The following TMOD1 variants were observed in gnomAD, a reference collection of about 807,000 sequenced individuals.
TMOD1 encodes the protein tropomodulin 1.
Under a neutral mutation model 40.6 loss-of-function variants are expected in TMOD1, and 17 were observed. The observed-to-expected ratio is 0.42, with a 90% CI of 0.29 to 0.63. The LOEUF (loss-of-function observed/expected upper bound fraction) is 0.63. TMOD1 is among the 20% of genes least tolerant of loss of function. The pLI is 0.22. For missense variants in TMOD1, 391 were observed against 447.6 expected (o/e 0.87, Z 1.14); for synonymous variants, 181 against 175.0 (o/e 1.03, Z -0.27).
intron 4 of TMOD1, among the ~76,000 whole-genome samples, chr9:97,556,340 G>T (rs189507012): frequency 6.6e-6 from 1 of 152,180 alleles, no homozygotes; most frequent in Non-Finnish European, 1.5e-5. Flanking sequence ...CAGAAACTCC[G>T]CATGAGATGA....
chr9:97,567,878 G>A (rs1248390062), intron 7 of TMOD1, among the ~76,000 whole-genome samples: 2 of 152,150 alleles, frequency 1.3e-5, no homozygotes, highest in Non-Finnish European at 2.9e-5. Flanking sequence ...TTCCTGGCTC[G>A]GAGCATCATT....
At chr9:97,542,247 T>C (rs1455785952) in intron 2 of TMOD1, among the ~76,000 whole-genome samples, 2 of 152,182 alleles carry the variant, frequency 1.3e-5, no homozygotes, top group Non-Finnish European at 2.9e-5. Context: ...TTACTGACAA[T>C]CATGTGATAT....
intron 1 of TMOD1, among the ~76,000 whole-genome samples, chr9:97,518,016 TC>T (rs1340670986): frequency 6.6e-6 from 1 of 152,064 alleles, no homozygotes; most frequent in African/African-American, 2.4e-5. Context: ...CCCATTCTCA[TC>T]CCCCATCGCC....
At position 97,600,390 on chromosome 9, in the gene TMOD1, T is replaced by G. The variant is rs144362839; in HGVS notation, c.*692T>G. ...CATTACCAATCCCAGGCAACAAACATGTCCCTGAGTGTTCTTTAAGAACAT... is the reference window on the plus strand; with the variant it reads ...CATTACCAATCCCAGGCAACAAACAGGTCCCTGAGTGTTCTTTAAGAACAT... On this transcript the variant is annotated 3_prime_UTR_variant, in exon 10 of 10. Transcript: ENST00000259365. 2 of 985,808 alleles carry G rather than the reference T, an allele frequency of 2.0e-6. No individual in the cohort carries two copies. Among genetic ancestry groups the G allele is most frequent in the Non-Finnish European group, 2.4e-6 (2 of 830,150 alleles). The allele number at this position is 985,808 out of a possible 1,614,324, so 61.1% of individuals were successfully genotyped here.
At chr9:97,561,668 TGTGTCATCACTG>T (rs1047881797) in intron 4 of TMOD1, among the ~76,000 whole-genome samples, 1 of 152,204 alleles carries the variant, frequency 6.6e-6, no homozygotes, top group Non-Finnish European at 1.5e-5. Flanking sequence ...TTGTCACAGC[TGTGTCATCACTG>T]GTGTCCTGGC....
At chr9:97,569,370 G>C (rs1830784943) in intron 8 of TMOD1, among the ~76,000 whole-genome samples, 1 of 152,046 alleles carries the variant, frequency 6.6e-6, no homozygotes, top group African/African-American at 2.4e-5. Context: ...CTGTTTGTTG[G>C]GCTTAGCTCT....
At chr9:97,539,828 T>C (rs1363522723) in intron 2 of TMOD1, among the ~76,000 whole-genome samples, 4 of 151,238 alleles carry the variant, frequency 2.6e-5, no homozygotes, top group Non-Finnish European at 5.9e-5. Flanking sequence ...TAGCCGAGCA[T>C]GGTGGCAGGC....
At chr9:97,577,163 G>A (rs1259773873) in intron 8 of TMOD1, among the ~76,000 whole-genome samples, 3 of 152,122 alleles carry the variant, frequency 2.0e-5, no homozygotes, top group African/African-American at 4.8e-5. Context: ...TTGCCAGTCC[G>A]GGCATGACCA....
intron 8 of TMOD1, among the ~76,000 whole-genome samples, chr9:97,577,565 A>G (rs1233888081): frequency 5.9e-5 from 9 of 152,166 alleles, no homozygotes; most frequent in Non-Finnish European, 1.3e-4. Flanking sequence ...AGGTGGGTGG[A>G]TCACTTGAGG....
intron 1 of TMOD1, among the ~76,000 whole-genome samples, chr9:97,509,518 T>G (rs564258698): frequency 5.8e-5 from 8 of 138,708 alleles, no homozygotes; most frequent in East Asian, 2.1e-4. Flanking sequence ...TTTTGTTTTT[T>G]GTTTTTTTTT....
rs150700125 is a variant in TMOD1 at position 97,554,045 on chromosome 9, A to G, written c.397+645A>G. ...CCCACTGCTGTGGTGTTCCATCCCC[A>G]CAGGAAGGTCAGGCTCTGGCCACAT... On this transcript the variant is annotated intron_variant, in intron 4 of 9. Transcript: ENST00000259365. Among the ~76,000 whole-genome samples, 617 of 152,154 alleles carry G rather than the reference A, an allele frequency of 4.1e-3. 3 individuals are homozygous for G. The highest frequency in any genetic ancestry group is 0.014 in the African/African-American group (591 of 41,520).
Position 97,592,792 on chromosome 9 carries a change from A to G in TMOD1, c.1015+1357A>G, listed in dbSNP as rs559360157. Among the ~76,000 whole-genome samples, 8 of 152,284 alleles carry G rather than the reference A, an allele frequency of 5.3e-5. No individual in the cohort carries two copies. The South Asian group carries it at 6.2e-4, about 12-fold the overall frequency. ...TTCCACAAACATATACCAAAATTCT[A>G]TAGGTTCCTGCTTGTAAGGATGTCA... On this transcript the variant is annotated intron_variant, in intron 9 of 9. Transcript: ENST00000259365.
chr9:97,567,854 C>T (rs1587948232), intron 7 of TMOD1, among the ~76,000 whole-genome samples: 3 of 152,214 alleles, frequency 2.0e-5, no homozygotes, highest in East Asian at 1.9e-4. Flanking sequence ...AAGGCAGGGG[C>T]GACGGGGTAG....
At chr9:97,546,729 G>A (rs889391227) in intron 3 of TMOD1, among the ~76,000 whole-genome samples, 11 of 152,076 alleles carry the variant, frequency 7.2e-5, no homozygotes, top group African/African-American at 2.7e-4. Context: ...AGGAGTTCAA[G>A]ACCAGCCTGG....
rs772306820 is a variant in TMOD1 at position 97,599,706 on chromosome 9, C to T, written c.*8C>T. ...TGCCGGAGTGGTGTCTAGTGTGTGGCGGTGGAGTCCATGCCTTTGAACTGG... is the reference window on the plus strand; with the variant it reads ...TGCCGGAGTGGTGTCTAGTGTGTGGTGGTGGAGTCCATGCCTTTGAACTGG... On this transcript the variant is annotated 3_prime_UTR_variant, in exon 10 of 10. Coordinates refer to ENST00000259365, the MANE Select transcript of TMOD1 (RefSeq NM_003275.4). 4.2e-5 allele frequency: 68 copies of T among 1,613,968 alleles called. No homozygotes were observed. Among genetic ancestry groups the T allele is most frequent in the Non-Finnish European group, 5.2e-5 (61 of 1,179,998 alleles).
At chr9:97,562,898 C>A in intron 5 of TMOD1, 77 bp downstream of exon 5, 1 of 1,243,092 alleles carries the variant, frequency 8.0e-7, no homozygotes, top group Non-Finnish European at 1.1e-6. Flanking sequence ...TGGCTCATTG[C>A]AGAAGTTTTA....
At position 97,601,233 on chromosome 9, in the gene TMOD1, A is replaced by G; in HGVS notation, c.*1535A>G. The G allele has an allele frequency of 7.9e-7, 1 of 1,265,496 alleles. No homozygotes were observed. Among genetic ancestry groups the G allele is most frequent in the Non-Finnish European group, 1.0e-6 (1 of 967,392 alleles). 78.4% of individuals were successfully genotyped at this position (1,265,496 alleles called of 1,614,324 possible). ...GCATCGCTGAAAACTGCAATATAAT[A>G]TTAAATCTGTTGGTCTATGCATGGC... On this transcript the variant is annotated 3_prime_UTR_variant, in exon 10 of 10. Transcript: ENST00000259365.
chr9:97,586,478 C>T (rs1312570104), intron 8 of TMOD1, among the ~76,000 whole-genome samples: 6 of 151,324 alleles, frequency 4.0e-5, no homozygotes, highest in East Asian at 3.9e-4. Context: ...GCCCTGCCCC[C>T]AGAGGTGGAG....
intron 8 of TMOD1, among the ~76,000 whole-genome samples, chr9:97,581,761 T>C (rs527936087): frequency 3.9e-5 from 6 of 152,158 alleles, no homozygotes; most frequent in Non-Finnish European, 8.8e-5. Flanking sequence ...ATGAGCATTT[T>C]TTCATGTGTT....
Sources: gnomAD v4.1 joint callset for allele counts (sites outside exome capture counted in the v4.1 genomes callset) on GRCh38, gnomAD v4.1.1 for gene constraint, MANE v1.5 for transcripts, NCBI Gene and HGNC (gene_info 2026-07-23, HGNC 2026-07-21) for gene names.